The following MACROD2 variants were observed in gnomAD, a reference collection of about 807,000 sequenced individuals.
MACROD2 encodes the protein ADP-ribose glycohydrolase MACROD2.
MACROD2 carries 36 observed loss-of-function variants against 70.4 expected under a neutral mutation model. That is an observed-to-expected ratio of 0.51 (90% CI 0.39 to 0.68). The LOEUF (loss-of-function observed/expected upper bound fraction) is 0.68, where lower values mean the gene tolerates loss of function less well. Ranked by LOEUF, MACROD2 falls within the 30% of genes least tolerant of loss-of-function variation. The probability of loss-of-function intolerance (pLI) is 0.00; values close to 1 mark genes in which losing one functional copy is unlikely to be tolerated. For missense variants in MACROD2, 496 were observed against 538.4 expected (o/e 0.92, Z 0.78); for synonymous variants, 172 against 178.8 (o/e 0.96, Z 0.30).
intron 3 of MACROD2, among the ~76,000 whole-genome samples, chr20:14,386,668 A>G (rs2122788079): frequency 6.6e-6 from 1 of 152,124 alleles, no homozygotes; most frequent in African/African-American, 2.4e-5. Context: ...GCCTTCTGCC[A>G]TGATTATAAG....
intron 5 of MACROD2, among the ~76,000 whole-genome samples, chr20:14,922,739 G>C (rs913353563): frequency 2.0e-5 from 3 of 152,046 alleles, no homozygotes; most frequent in African/African-American, 7.2e-5. Context: ...ATCCATCTGG[G>C]CCATGCAATC....
At chr20:14,751,696 C>T (rs2071873071) in intron 5 of MACROD2, among the ~76,000 whole-genome samples, 1 of 152,128 alleles carries the variant, frequency 6.6e-6, no homozygotes, top group African/African-American at 2.4e-5. Context: ...ATGGGAAGAG[C>T]AGAAGCACAA....
intron 2 of MACROD2, among the ~76,000 whole-genome samples, chr20:14,008,451 C>G (rs2052852403): frequency 6.6e-6 from 1 of 152,086 alleles, no homozygotes; most frequent in Non-Finnish European, 1.5e-5. Flanking sequence ...ACCTACAAAC[C>G]ACTGCTCAAG....
chr20:15,441,034 C>G (rs941688092), intron 7 of MACROD2, among the ~76,000 whole-genome samples: 2 of 152,154 alleles, frequency 1.3e-5, no homozygotes, highest in African/African-American at 2.4e-5. Flanking sequence ...TGGGGCCAAG[C>G]CTATCTCTAT....
intron 5 of MACROD2, among the ~76,000 whole-genome samples, chr20:15,097,613 G>C (rs895614907): frequency 6.6e-6 from 1 of 152,136 alleles, no homozygotes; most frequent in Non-Finnish European, 1.5e-5. Context: ...TGGAGAAATA[G>C]GATTGAGTTG....
chr20:14,141,500 A>G (rs1045801306), intron 3 of MACROD2, among the ~76,000 whole-genome samples: 1 of 151,964 alleles, frequency 6.6e-6, no homozygotes, highest in Non-Finnish European at 1.5e-5. Flanking sequence ...AATCCCAGCA[A>G]TTTGGGAGGC....
At chr20:15,091,783 T>A (rs1373823821) in intron 5 of MACROD2, among the ~76,000 whole-genome samples, 1 of 152,172 alleles carries the variant, frequency 6.6e-6, no homozygotes, top group East Asian at 1.9e-4. Flanking sequence ...TGTGGCTGAA[T>A]AATGCCTGGC....
At chr20:15,913,507 A>G (rs2065266579) in intron 10 of MACROD2, among the ~76,000 whole-genome samples, 1 of 152,224 alleles carries the variant, frequency 6.6e-6, no homozygotes, top group Admixed American at 6.5e-5. Context: ...AAGAATCATA[A>G]GCCCTTATGA....
rs143601320 is a variant in MACROD2, at chr20:14,890,327, C to G, written c.418+205368C>G. The stretch of plus-strand genomic sequence containing the variant: ...ATGGAGGTCTGAGCCTTGGTCCATT[C>G]CCCCAGTAAGAGGTAAGGGATATGG... On this transcript the variant is annotated intron_variant, in intron 5 of 17. Coordinates refer to ENST00000684519, the MANE Select transcript of MACROD2 (RefSeq NM_001351661.2). Among the ~76,000 whole-genome samples the G allele has an allele frequency of 2.4e-3, 360 of 152,058 alleles. 2 individuals are homozygous for G. Among genetic ancestry groups the G allele is most frequent in the African/African-American group, 8.3e-3 (346 of 41,480 alleles).
chr20:14,094,204 T>G (rs2054191713), intron 3 of MACROD2, among the ~76,000 whole-genome samples: 1 of 152,196 alleles, frequency 6.6e-6, no homozygotes, highest in South Asian at 2.1e-4. Flanking sequence ...TAGCTCATAA[T>G]TGTAGCTGTT....
At chr20:14,787,070 G>A (rs183879625) in intron 5 of MACROD2, among the ~76,000 whole-genome samples, 452 of 152,170 alleles carry the variant, frequency 3.0e-3, no homozygotes, top group African/African-American at 0.011. Context: ...TACACATAAT[G>A]ATGATCATTG....
intron 5 of MACROD2, among the ~76,000 whole-genome samples, chr20:14,813,027 T>A (rs2072732872): frequency 6.6e-6 from 1 of 152,078 alleles, no homozygotes; most frequent in Non-Finnish European, 1.5e-5. Flanking sequence ...TTGCTTACAT[T>A]TACCCGTTTA....
chr20:15,997,806 G>A (rs2066653106), intron 15 of MACROD2, among the ~76,000 whole-genome samples: 1 of 152,104 alleles, frequency 6.6e-6, no homozygotes, highest in South Asian at 2.1e-4. Context: ...TTACCATTGA[G>A]TATGATGACA....
chr20:15,710,232 C>CA (rs2050606931), intron 8 of MACROD2, among the ~76,000 whole-genome samples: 2 of 139,550 alleles, frequency 1.4e-5, no homozygotes, highest in South Asian at 2.3e-4. Context: ...GGTAAGGATG[C>CA]AAAAAAAGTG....
intron 3 of MACROD2, chr20:14,127,587 T>C (rs1383702592): frequency 4.2e-6 from 2 of 474,224 alleles, no homozygotes; most frequent in African/African-American, 2.0e-5. Flanking sequence ...AGTAGGAAAC[T>C]GAAGGAAGAA....
At chr20:14,062,880 G>A (rs553199073) in intron 2 of MACROD2, among the ~76,000 whole-genome samples, 1 of 152,218 alleles carries the variant, frequency 6.6e-6, no homozygotes, top group African/African-American at 2.4e-5. Flanking sequence ...AAATCTGATA[G>A]CCTCTTTTCA....
At chr20:15,864,277 A>C (rs114254336) in intron 9 of MACROD2, among the ~76,000 whole-genome samples, 220 of 152,248 alleles carry the variant, frequency 1.4e-3, no homozygotes, top group African/African-American at 4.5e-3. Flanking sequence ...CTTTATGACA[A>C]TATTGAGCTG....
At chr20:14,290,729 G>A (rs1206789586) in intron 3 of MACROD2, among the ~76,000 whole-genome samples, 6 of 152,066 alleles carry the variant, frequency 3.9e-5, no homozygotes, top group African/African-American at 9.7e-5. Flanking sequence ...GCCTGGTCTC[G>A]AACTCCCGAC....
rs111365045 is a variant in MACROD2, at chr20:14,939,191, C to T, written c.418+254232C>T. Among the ~76,000 whole-genome samples, 441 of 152,036 alleles carry T rather than the reference C, an allele frequency of 2.9e-3. 2 individuals carry two copies. Among genetic ancestry groups the T allele is most frequent in the African/African-American group, 0.01 (426 of 41,506 alleles). On this transcript the variant is annotated intron_variant, in intron 5 of 17. Transcript: ENST00000684519. ...GTCTTTGCTTTGGCCTGGAGCATCT[C>T]CCCAAAGTTTTCTTCTAGTACTTTT...
Sources: gnomAD v4.1 joint callset for allele counts (sites outside exome capture counted in the v4.1 genomes callset) on GRCh38, gnomAD v4.1.1 for gene constraint, MANE v1.5 for transcripts, NCBI Gene and HGNC (gene_info 2026-07-23, HGNC 2026-07-21) for gene names.